EPHA7: variants seen among roughly 807,000 people sequenced by gnomAD.
EPHA7 encodes EPH receptor A7, also known as ephrin type-A receptor 7.
In EPHA7, 25 loss-of-function variants were observed where a neutral mutation model predicts 112.6. The observed-to-expected ratio is 0.22, with a 90% CI of 0.16 to 0.31. EPHA7 has a LOEUF of 0.31. Among genes scored for constraint, EPHA7 ranks in the 10% least tolerant of loss-of-function variants. EPHA7 has a pLI of 1.00. For synonymous variants in EPHA7, 437 were observed against 406.5 expected (o/e 1.07, Z -0.90); for missense variants, 962 against 1,212.6 (o/e 0.79, Z 3.07).
intron 5 of EPHA7, among the ~76,000 whole-genome samples, chr6:93,340,052 T>C (rs1045169040): frequency 6.6e-6 from 1 of 151,782 alleles, no homozygotes; most frequent in Non-Finnish European, 1.5e-5. Flanking sequence ...TAGGGACAGA[T>C]GTTAATAAGC....
intron 3 of EPHA7, among the ~76,000 whole-genome samples, chr6:93,387,843 C>T (rs1431620472): frequency 6.6e-6 from 1 of 151,890 alleles, no homozygotes; most frequent in Non-Finnish European, 1.5e-5. Context: ...TGCATGAGGT[C>T]CCTCCCCCAA....
At chr6:93,254,153 C>T (rs1282983888) in intron 14 of EPHA7, among the ~76,000 whole-genome samples, 1 of 152,024 alleles carries the variant, frequency 6.6e-6, no homozygotes, top group South Asian at 2.1e-4. Flanking sequence ...CACTATGAAA[C>T]ATTTACTAAT....
rs1456337459 is a variant in EPHA7 at position 93,240,267 on chromosome 6, T to C, written c.*3159A>G. ...TCCACATATAGCAAAAAAATACACA[T>C]CAGTAATTTATTTGAACATGCACAT... is the stretch of plus-strand genomic sequence containing the variant. On this transcript the variant is annotated 3_prime_UTR_variant, in exon 17 of 17. Transcript: ENST00000369303. 2 of 225,506 alleles carry C rather than the reference T, an allele frequency of 8.9e-6. No homozygotes were observed. Among genetic ancestry groups the C allele is most frequent in the African/African-American group, 2.2e-5 (1 of 44,916 alleles). The allele number at this position is 225,506 out of a possible 1,614,324, so 14.0% of individuals were successfully genotyped here.
chr6:93,317,274 C>A (rs1773859991), intron 5 of EPHA7, among the ~76,000 whole-genome samples: 1 of 152,040 alleles, frequency 6.6e-6, no homozygotes, highest in Middle Eastern at 3.2e-3. Context: ...TTAATTATGT[C>A]TTAAATAAGC....
At chr6:93,307,442 C>T (rs1773313487) in intron 5 of EPHA7, among the ~76,000 whole-genome samples, 1 of 152,066 alleles carries the variant, frequency 6.6e-6, no homozygotes, top group Non-Finnish European at 1.5e-5. Flanking sequence ...TTCCACAATC[C>T]TTTAAAGAAT....
At chr6:93,416,787 T>A (rs1779251710) in intron 1 of EPHA7, among the ~76,000 whole-genome samples, 1 of 150,466 alleles carries the variant, frequency 6.6e-6, no homozygotes, top group East Asian at 2.0e-4. Context: ...GGCCAACAGG[T>A]GATGGGAGAG....
intron 3 of EPHA7, among the ~76,000 whole-genome samples, chr6:93,393,312 G>A (rs1361374900): frequency 6.6e-6 from 1 of 151,716 alleles, no homozygotes; most frequent in Admixed American, 6.6e-5. Context: ...ATAAATATCT[G>A]AAATATAAAT....
In EPHA7 at chr6:93,258,264, T is replaced by G; in HGVS notation, c.1945A>C (p.Ser649Arg). The change falls in exon 11 of 17, where the codon AGT (serine) becomes CGT (arginine). Residue 649 changes from serine to arginine, a missense_variant. Physicochemically the swap from Ser to Arg is moderately radical, Grantham distance 110. Coordinates refer to ENST00000369303, the MANE Select transcript of EPHA7 (RefSeq NM_004440.4). ...TTCCCTGGAAGTTTCAAACGGCCAC[T>G]GCAGACTTCACCGAATTCTCCTGAA... ...IGAGEFGEVC[S>R]GRLKLPGKRD... is the part of the protein sequence containing the mutation. The G allele has an allele frequency of 1.2e-6, 2 of 1,602,456 alleles. No individual in the cohort carries two copies. Among genetic ancestry groups the G allele is most frequent in the Non-Finnish European group, 1.7e-6 (2 of 1,173,964 alleles).
intron 3 of EPHA7, among the ~76,000 whole-genome samples, chr6:93,383,799 G>A (rs1777467615): frequency 6.6e-6 from 1 of 152,108 alleles, no homozygotes; most frequent in Non-Finnish European, 1.5e-5. Context: ...CTGGGCTCAA[G>A]CCATCTGCCC....
chr6:93,290,372 T>C (rs769421363), intron 5 of EPHA7, among the ~76,000 whole-genome samples: 1 of 152,136 alleles, frequency 6.6e-6, no homozygotes, highest in Non-Finnish European at 1.5e-5. Flanking sequence ...CTGTATTGGC[T>C]CATATTCTCT....
chr6:93,356,645 A>G, intron 5 of EPHA7, 72 bp downstream of exon 5: 2 of 1,365,478 alleles, frequency 1.5e-6, no homozygotes, highest in Non-Finnish European at 2.0e-6. Context: ...GAAACTAACT[A>G]AATGTTCAAG....
rs552818821 is a variant in EPHA7 at position 93,287,525 on chromosome 6, C to CT, written c.1325-15104dup. Among the ~76,000 whole-genome samples, 1,112 of 138,466 alleles carry CT rather than the reference C, an allele frequency of 8.0e-3. 14 individuals carry two copies. The highest frequency in any genetic ancestry group is 0.023 in the African/African-American group (894 of 38,142). 90.8% of individuals were successfully genotyped at this position (138,466 alleles called of 152,430 possible). Reference sequence around the variant, plus strand: ...TAGTTTTTCTCCTGTCTGGTTGATTCTTTTTTTTTTTTTAACTTTTATTTT... The same window carrying CT: ...TAGTTTTTCTCCTGTCTGGTTGATTCTTTTTTTTTTTTTTAACTTTTATTTT... On this transcript the variant is annotated intron_variant, in intron 5 of 16. Transcript: ENST00000369303.
chr6:93,254,853 T>G, intron 13 of EPHA7, 57 bp from the exon 14 acceptor site: 1 of 1,446,550 alleles, frequency 6.9e-7, no homozygotes, highest in Middle Eastern at 1.8e-4. Context: ...ATATTATTTA[T>G]GGCAATACCA....
At chr6:93,342,589 T>C (rs1037472154) in intron 5 of EPHA7, among the ~76,000 whole-genome samples, 6 of 151,748 alleles carry the variant, frequency 4.0e-5, no homozygotes, top group South Asian at 2.1e-4. Context: ...CAAGAAGTAT[T>C]TTACATTGTC....
At position 93,306,734 on chromosome 6, in the gene EPHA7, A is replaced by T. The variant is rs76350827; in HGVS notation, c.1325-34312T>A. Among the ~76,000 whole-genome samples, 764 of 152,104 alleles carry T rather than the reference A, an allele frequency of 5.0e-3. 12 individuals carry two copies. The highest frequency in any genetic ancestry group is 0.018 in the African/African-American group (737 of 41,556). On this transcript the variant is annotated intron_variant, in intron 5 of 16. Coordinates refer to ENST00000369303, the MANE Select transcript of EPHA7 (RefSeq NM_004440.4). ...ATGTGTAAATAATACATCTCCTATAAAAATAATCAAATTAACTTTCCAAAG... is the reference window on the plus strand; with the variant it reads ...ATGTGTAAATAATACATCTCCTATATAAATAATCAAATTAACTTTCCAAAG...
chr6:93,288,937 A>G (rs1433318122), intron 5 of EPHA7, among the ~76,000 whole-genome samples: 3 of 152,228 alleles, frequency 2.0e-5, no homozygotes, highest in African/African-American at 7.2e-5. Flanking sequence ...TGCAAGTACC[A>G]TAAAGTGATG....
chr6:93,282,878 C>A (rs898214984), intron 5 of EPHA7, among the ~76,000 whole-genome samples: 1 of 152,158 alleles, frequency 6.6e-6, no homozygotes, highest in Non-Finnish European at 1.5e-5. Flanking sequence ...ATGCCTGAGC[C>A]TCCTCCGTCC....
intron 4 of EPHA7, among the ~76,000 whole-genome samples, chr6:93,357,847 T>C (rs1227341789): frequency 2.6e-5 from 4 of 152,056 alleles, no homozygotes; most frequent in Non-Finnish European, 5.9e-5. Context: ...AGAGACGGGG[T>C]TTCACCATGT....
intron 3 of EPHA7, among the ~76,000 whole-genome samples, chr6:93,364,143 G>A (rs924418835): frequency 6.6e-6 from 1 of 152,090 alleles, no homozygotes; most frequent in Admixed American, 6.5e-5. Flanking sequence ...GTACAACTCT[G>A]TGACTATAAC....
Sources: allele counts gnomAD v4.1 joint callset (sites outside exome capture counted in the v4.1 genomes callset), GRCh38; gene constraint gnomAD v4.1.1; transcripts MANE v1.5; gene names NCBI Gene and HGNC (gene_info 2026-07-23, HGNC 2026-07-21).